DLG1: variants seen among roughly 807,000 people sequenced by gnomAD.
DLG1 encodes the protein disks large homolog 1.
Under a neutral mutation model 123.4 loss-of-function variants are expected in DLG1, and 42 were observed. The observed-to-expected ratio is 0.34, with a 90% CI of 0.27 to 0.44. DLG1 has a LOEUF of 0.44. Among genes scored for constraint, DLG1 ranks in the 20% least tolerant of loss-of-function variants. The pLI is 1.00. For synonymous variants in DLG1, 317 were observed against 356.2 expected (o/e 0.89, Z 1.24); for missense variants, 942 against 1,082.6 (o/e 0.87, Z 1.82).
At chr3:197,170,007 C>A (rs995600452) in intron 5 of DLG1, among the ~76,000 whole-genome samples, 7 of 152,168 alleles carry the variant, frequency 4.6e-5, no homozygotes, top group Non-Finnish European at 1.0e-4. Context: ...CGAGAACATG[C>A]GGTATTTGAT....
At chr3:197,214,540 T>G (rs1021264904) in intron 4 of DLG1, among the ~76,000 whole-genome samples, 1 of 151,852 alleles carries the variant, frequency 6.6e-6, no homozygotes. Context: ...GCCACTGCAC[T>G]CTAGCCTGGG....
In DLG1 at chr3:197,218,555, CAAA is replaced by C. The variant is rs1161669214; in HGVS notation, c.319-23969_319-23967del. ...TGCTTCATTCCTTAAAACGTACTAT[CAAA>C]CAAGTTATTATTTTCTACTTCTGCA... On this transcript the variant is annotated intron_variant, in intron 4 of 24. Coordinates refer to ENST00000667157, the MANE Select transcript of DLG1 (RefSeq NM_001366207.1). Among the ~76,000 whole-genome samples, 3 of 152,222 alleles carry C rather than the reference CAAA, an allele frequency of 2.0e-5. No individual in the cohort carries two copies. In the East Asian group the frequency reaches 5.8e-4, roughly 29 times the overall value.
chr3:197,259,840 C>T (rs1005863127), intron 4 of DLG1, among the ~76,000 whole-genome samples: 6 of 151,986 alleles, frequency 3.9e-5, no homozygotes, highest in African/African-American at 7.3e-5. Context: ...TTTCCTCTTC[C>T]TAAAAAAACA....
chr3:197,136,491 A>T (rs745826972), intron 10 of DLG1, 51 bp downstream of exon 10: 6 of 1,512,882 alleles, frequency 4.0e-6, no homozygotes, highest in Middle Eastern at 1.7e-4. Flanking sequence ...CTATCAGAAA[A>T]ATAAACAGAC....
intron 4 of DLG1, among the ~76,000 whole-genome samples, chr3:197,271,004 AG>A (rs34129910): frequency 6.6e-6 from 1 of 152,146 alleles, no homozygotes; most frequent in Non-Finnish European, 1.5e-5. Flanking sequence ...TGTCATTTAA[AG>A]GGGGGGAAAA....
rs993345205 is a variant in DLG1, at chr3:197,043,413, T to A, written c.*1210A>T. ...AAAGAGGAGAATATGCCCACACTTT[T>A]ACTTATAATCTAATTTCCCTAAATG... On this transcript the variant is annotated 3_prime_UTR_variant, in exon 25 of 25. Transcript: ENST00000667157. 1 of 152,166 alleles carries A rather than the reference T, an allele frequency of 6.6e-6. No homozygotes were observed. The highest frequency in any genetic ancestry group is 1.9e-4 in the East Asian group (1 of 5,204). 9.4% of individuals were successfully genotyped at this position (152,166 alleles called of 1,614,324 possible).
chr3:197,095,320 A>G (rs756931645), intron 14 of DLG1, among the ~76,000 whole-genome samples: 2 of 152,102 alleles, frequency 1.3e-5, no homozygotes, highest in Non-Finnish European at 2.9e-5. Flanking sequence ...AAGAGTCACC[A>G]GTAATGTTCT....
chr3:197,127,743 T>C (rs769858913), intron 11 of DLG1, among the ~76,000 whole-genome samples: 34 of 151,794 alleles, frequency 2.2e-4, no homozygotes, highest in Non-Finnish European at 3.5e-4. Flanking sequence ...ACCTCAGAGA[T>C]ATTACAGTTC....
chr3:197,088,252 C>G (rs931670878), intron 15 of DLG1, among the ~76,000 whole-genome samples: 4 of 151,868 alleles, frequency 2.6e-5, no homozygotes, highest in Non-Finnish European at 5.9e-5. Context: ...GAAAAAACCT[C>G]CAAGAAAATA....
Position 197,203,346 on chromosome 3 carries a change from C to A in DLG1, c.319-8757G>T, listed in dbSNP as rs542408971. Reference sequence around the variant, plus strand: ...TGTCATAGTCTGTGTCATGAACTTTCAAAAACAGTTCCAAAATCAAAATAT... The same window carrying A: ...TGTCATAGTCTGTGTCATGAACTTTAAAAAACAGTTCCAAAATCAAAATAT... On this transcript the variant is annotated intron_variant, in intron 4 of 24. Transcript: ENST00000667157. Among the ~76,000 whole-genome samples the A allele has an allele frequency of 1.6e-4, 24 of 152,228 alleles. 1 individual carries two copies. In the South Asian group the frequency reaches 2.9e-3, roughly 18 times the overall value.
intron 11 of DLG1, among the ~76,000 whole-genome samples, chr3:197,129,036 G>C (rs896073123): frequency 1.2e-4 from 19 of 152,142 alleles, no homozygotes; most frequent in Non-Finnish European, 5.9e-5. Flanking sequence ...AATGGGCATT[G>C]GCTTCAACTG....
intron 4 of DLG1, among the ~76,000 whole-genome samples, chr3:197,242,276 A>C (rs1274489212): frequency 1.3e-5 from 2 of 152,162 alleles, no homozygotes; most frequent in Non-Finnish European, 2.9e-5. Flanking sequence ...CACCCATCAG[A>C]GCTCCCAAGT....
chr3:197,252,097 C>G (rs1578754215), intron 4 of DLG1, among the ~76,000 whole-genome samples: 1 of 152,202 alleles, frequency 6.6e-6, no homozygotes, highest in East Asian at 1.9e-4. Context: ...CTAGTTGTCT[C>G]TCCTTATGAG....
chr3:197,231,750 C>T (rs1373754754), intron 4 of DLG1, among the ~76,000 whole-genome samples: 1 of 150,382 alleles, frequency 6.6e-6, no homozygotes, highest in East Asian at 1.9e-4. Flanking sequence ...AAACAAAAAC[C>T]ACTAAAATGC....
chr3:197,068,466 G>A, intron 19 of DLG1: 1 of 1,426,560 alleles, frequency 7.0e-7, no homozygotes, highest in Non-Finnish European at 9.7e-7. Context: ...CTGTCAACAT[G>A]AAAAAGTATT....
intron 4 of DLG1, among the ~76,000 whole-genome samples, chr3:197,197,301 T>C (rs994610583): frequency 1.3e-5 from 2 of 152,268 alleles, no homozygotes; most frequent in Non-Finnish European, 2.9e-5. Flanking sequence ...ATATAATACC[T>C]GTCTCTCTTT....
intron 9 of DLG1, 118 bp from the exon 10 acceptor site, chr3:197,136,796 G>T (rs1248844943): frequency 6.8e-6 from 6 of 877,792 alleles, no homozygotes; most frequent in Admixed American, 5.7e-5. Context: ...AAATAGAAAA[G>T]AATCTATTTA....
At chr3:197,219,256 C>T (rs1240509414) in intron 4 of DLG1, among the ~76,000 whole-genome samples, 1 of 152,136 alleles carries the variant, frequency 6.6e-6, no homozygotes, top group Non-Finnish European at 1.5e-5. Flanking sequence ...AGCAAATAGG[C>T]ATAGGGTGGC....
At chr3:197,046,068 T>C (rs1455029493) in intron 24 of DLG1, among the ~76,000 whole-genome samples, 1 of 152,236 alleles carries the variant, frequency 6.6e-6, no homozygotes, top group Non-Finnish European at 1.5e-5. Flanking sequence ...CTTCTACCTT[T>C]TGAGCTAAAT....
Sources: allele counts gnomAD v4.1 joint callset (sites outside exome capture counted in the v4.1 genomes callset), GRCh38; gene constraint gnomAD v4.1.1; transcripts MANE v1.5; gene names NCBI Gene and HGNC (gene_info 2026-07-23, HGNC 2026-07-21).